EYA4: variants seen among roughly 807,000 people sequenced by gnomAD.
EYA4 encodes the protein protein phosphatase EYA4.
In EYA4, 31 loss-of-function variants were observed where a neutral mutation model predicts 87.9. The observed-to-expected ratio is 0.35, with a 90% CI of 0.27 to 0.48. EYA4 has a LOEUF of 0.48. Among genes scored for constraint, EYA4 ranks in the 20% least tolerant of loss-of-function variants. The probability of loss-of-function intolerance (pLI) is 0.99; values close to 1 mark genes in which losing one functional copy is unlikely to be tolerated. For synonymous variants in EYA4, 263 were observed against 270.6 expected, an observed-to-expected ratio of 0.97 and a Z score of 0.28; for missense variants, 678 against 761.4, an observed-to-expected ratio of 0.89 and a Z score of 1.29.
intron 12 of EYA4, among the ~76,000 whole-genome samples, chr6:133,482,629 C>T (rs1796314622): frequency 6.6e-6 from 1 of 152,166 alleles, no homozygotes; most frequent in African/African-American, 2.4e-5. Context: ...AGCGGTTACT[C>T]ATTGATTCTT....
intron 4 of EYA4, 139 bp from the exon 5 acceptor site, chr6:133,447,972 A>G: frequency 1.4e-6 from 1 of 702,742 alleles, no homozygotes; most frequent in African/African-American, 1.7e-5. Flanking sequence ...AACAGACCTG[A>G]TAAACTAAAA....
At chr6:133,500,552 T>G (rs1218782748) in intron 13 of EYA4, among the ~76,000 whole-genome samples, 1 of 151,980 alleles carries the variant, frequency 6.6e-6, no homozygotes, top group African/African-American at 2.4e-5. Context: ...AGCATATCTC[T>G]CCCAATTCTG....
At chr6:133,521,260 A>G (rs1583552947) in intron 17 of EYA4, among the ~76,000 whole-genome samples, 1 of 145,492 alleles carries the variant, frequency 6.9e-6, no homozygotes, top group East Asian at 2.1e-4. Context: ...ACTCAAACAA[A>G]TTTACAAGAA....
At chr6:133,432,116 C>T (rs1791237461) in intron 3 of EYA4, among the ~76,000 whole-genome samples, 2 of 151,888 alleles carry the variant, frequency 1.3e-5, no homozygotes, top group South Asian at 2.1e-4. Flanking sequence ...GGGAAAAAGA[C>T]AGCTCTGTAA....
intron 18 of EYA4, chr6:133,524,950 A>G (rs1800496334): frequency 7.3e-7 from 1 of 1,363,376 alleles, no homozygotes; most frequent in South Asian, 1.2e-5. Context: ...TTAACTTAAC[A>G]CTTTATGAAT....
chr6:133,416,808 C>T (rs937379490), intron 3 of EYA4, among the ~76,000 whole-genome samples: 1 of 152,220 alleles, frequency 6.6e-6, no homozygotes, highest in Non-Finnish European at 1.5e-5. Context: ...CTTCACATAC[C>T]TTGACTCACA....
intron 7 of EYA4, 40 bp from the exon 8 acceptor site, chr6:133,462,295 G>C (rs375670743): frequency 1.2e-6 from 2 of 1,610,428 alleles, no homozygotes; most frequent in African/African-American, 2.7e-5. Flanking sequence ...TTAATACACA[G>C]TCTTTGTTGC....
intron 2 of EYA4, among the ~76,000 whole-genome samples, chr6:133,322,349 G>A (rs1434749267): frequency 6.6e-6 from 1 of 152,088 alleles, no homozygotes; most frequent in Non-Finnish European, 1.5e-5. Flanking sequence ...TTTTTAGAAA[G>A]GAATATTTAT....
intron 1 of EYA4, among the ~76,000 whole-genome samples, chr6:133,246,625 T>C (rs1774430025): frequency 6.6e-6 from 1 of 152,136 alleles, no homozygotes; most frequent in African/African-American, 2.4e-5. Context: ...TTTTCTTGAG[T>C]ATATTTATAT....
intron 1 of EYA4, among the ~76,000 whole-genome samples, chr6:133,263,299 A>G (rs1352671933): frequency 2.0e-5 from 3 of 152,246 alleles, no homozygotes; most frequent in South Asian, 2.1e-4. Flanking sequence ...GAATTGGACA[A>G]CTAAGCAACA....
chr6:133,483,670 A>C (rs1796426485), intron 13 of EYA4, among the ~76,000 whole-genome samples: 1 of 143,776 alleles, frequency 7.0e-6, no homozygotes, highest in African/African-American at 2.7e-5. Flanking sequence ...TATTGTTTTT[A>C]TTTTCTCTTT....
chr6:133,421,829 A>G (rs1339031420), intron 3 of EYA4, among the ~76,000 whole-genome samples: 3 of 152,192 alleles, frequency 2.0e-5, no homozygotes, highest in African/African-American at 7.2e-5. Flanking sequence ...CCTAGTGTTT[A>G]TAGATAGGAT....
At chr6:133,477,835 CAT>C (rs540198192) in intron 11 of EYA4, among the ~76,000 whole-genome samples, 2 of 146,206 alleles carry the variant, frequency 1.4e-5, no homozygotes, top group African/African-American at 2.5e-5. Flanking sequence ...CACACACACG[CAT>C]ATATATATAT....
At chr6:133,422,943 T>C (rs1790344312) in intron 3 of EYA4, among the ~76,000 whole-genome samples, 1 of 152,158 alleles carries the variant, frequency 6.6e-6, no homozygotes, top group African/African-American at 2.4e-5. Flanking sequence ...AGTTTTGTTT[T>C]CTCTCTCTAC....
At chr6:133,322,468 G>A in intron 2 of EYA4, among the ~76,000 whole-genome samples, 1 of 152,298 alleles carries the variant, frequency 6.6e-6, no homozygotes, top group African/African-American at 2.4e-5. Flanking sequence ...AAGGCCAAGA[G>A]TCTTTGAAAA....
chr6:133,314,778 A>C (rs775694812), intron 2 of EYA4, among the ~76,000 whole-genome samples: 27 of 152,326 alleles, frequency 1.8e-4, no homozygotes, highest in Non-Finnish European at 2.9e-4. Flanking sequence ...TTTAACTGTT[A>C]AAACATGTTT....
chr6:133,521,103 A>C (rs1800084002), intron 17 of EYA4, among the ~76,000 whole-genome samples: 4 of 150,860 alleles, frequency 2.7e-5, no homozygotes, highest in Admixed American at 6.6e-5. Flanking sequence ...CAAAAGACAA[A>C]ATTGACAAAT....
chr6:133,246,457 T>G (rs111821781), intron 1 of EYA4, among the ~76,000 whole-genome samples: 1 of 152,170 alleles, frequency 6.6e-6, no homozygotes, highest in Non-Finnish European at 1.5e-5. Context: ...GTTTTTTTTT[T>G]TCTGCACAGG....
intron 3 of EYA4, among the ~76,000 whole-genome samples, chr6:133,431,346 G>A (rs1791165839): frequency 2.0e-5 from 3 of 152,170 alleles, no homozygotes; most frequent in African/African-American, 7.2e-5. Context: ...GGCTGTTCTA[G>A]GGCAAGTGTG....
Sources: gnomAD v4.1 joint callset for allele counts (sites outside exome capture counted in the v4.1 genomes callset) on GRCh38, gnomAD v4.1.1 for gene constraint, MANE v1.5 for transcripts, NCBI Gene and HGNC (gene_info 2026-07-23, HGNC 2026-07-21) for gene names.